Variants in IRF2BP1 observed in about 807,000 individuals in gnomAD.
The protein encoded by IRF2BP1 is interferon regulatory factor 2 binding protein 1, also known as interferon regulatory factor 2-binding protein 1.
A neutral mutation model predicts 38.6 loss-of-function variants in IRF2BP1; 9 were observed. That is an observed-to-expected ratio of 0.23 (90% CI 0.14 to 0.41). IRF2BP1 has a LOEUF of 0.41. Among genes scored for constraint, IRF2BP1 ranks in the 10% least tolerant of loss-of-function variants. The probability of loss-of-function intolerance (pLI) is 1.00; values close to 1 mark genes in which losing one functional copy is unlikely to be tolerated. For missense variants in IRF2BP1, 631 were observed against 829.6 expected (o/e 0.76, Z 2.94); for synonymous variants, 416 against 383.4 (o/e 1.08, Z -0.99).
Position 45,884,812 on chromosome 19 carries a change from C to G in IRF2BP1, c.963G>C (p.Arg321=), listed in dbSNP as rs1313940334. 3 of 1,612,736 alleles carry G rather than the reference C, an allele frequency of 1.9e-6. No individual in the cohort carries two copies. Among genetic ancestry groups the G allele is most frequent in the Non-Finnish European group, 2.5e-6 (3 of 1,180,038 alleles). The change falls in exon 1 of 1, where the codon CGG becomes CGC. Residue 321 remains arginine, a synonymous_variant. Transcript: ENST00000302165. ...SGFKYLEYER[R]HGSGEWRQLG... is the part of the protein sequence containing the mutation. ...GCTGCCGCCATTCTCCTGATCCATG[C>G]CGGCGTTCATATTCGAGGTACTTGA... is the stretch of plus-strand genomic sequence containing the variant.
chr19:45,883,618 A>AC lies in IRF2BP1; in HGVS notation c.*401dup, dbSNP rs370103342. ...TAAGGGACCAAGAAGGAAAAAAAAAACCCATCTTTCGGTTTATTGAAGGAG... is the reference window on the plus strand; with the variant it reads ...TAAGGGACCAAGAAGGAAAAAAAAAACCCCATCTTTCGGTTTATTGAAGGAG... On this transcript the variant is annotated 3_prime_UTR_variant, in exon 1 of 1. Coordinates refer to ENST00000302165, the MANE Select transcript of IRF2BP1 (RefSeq NM_015649.3). The AC allele has an allele frequency of 2.0e-4, 28 of 138,460 alleles. No homozygotes were observed. The highest frequency in any genetic ancestry group is 2.8e-4 in the African/African-American group (9 of 32,022). 8.6% of individuals were successfully genotyped at this position (138,460 alleles called of 1,614,324 possible).
Position 45,885,452 on chromosome 19 carries a change from C to T in IRF2BP1, c.323G>A (p.Gly108Asp). 1.3e-6 allele frequency: 2 copies of T among 1,499,486 alleles called. No individual in the cohort carries two copies. The highest frequency in any genetic ancestry group is 1.8e-6 in the Non-Finnish European group (2 of 1,129,348). The allele number at this position is 1,499,486 out of a possible 1,614,324, so 92.9% of individuals were successfully genotyped here. Residue 108 changes from glycine (G) to aspartate (D), a missense_variant, in exon 1 of 1, where the codon GGC becomes GAC. Physicochemically the swap from Gly to Asp is moderately conservative, Grantham distance 94. This residue lies in a region of IRF2BP1 where 206 missense variants were observed against 207.0 expected (regional missense o/e 1.00). Transcript: ENST00000302165. ...QPSGTGGGVS[G>D]QDRYDRATSS... is the part of the protein sequence containing the mutation. ...TGTGGCCCTGTCATAGCGGTCCTGGCCCGACACGCCGCCGCCGGTCCCTGA... is the reference window on the plus strand; with the variant it reads ...TGTGGCCCTGTCATAGCGGTCCTGGTCCGACACGCCGCCGCCGGTCCCTGA...
chr19:45,884,669 G>C lies in IRF2BP1; in HGVS notation c.1106C>G (p.Ala369Gly). Residue 369 changes from alanine (A) to glycine (G), a missense_variant, in exon 1 of 1, where the codon GCC (alanine) becomes GGC (glycine). Physicochemically the swap from Ala to Gly is moderately conservative, Grantham distance 60 (BLOSUM62 0). This residue lies in a region of IRF2BP1 where 201 missense variants were observed against 215.3 expected (regional missense o/e 0.93). Transcript: ENST00000302165. ...CGTGGGCGCCAGGTTCCGGGATGGGGCTCGCGGGGGTGGGCCACAGAGAGC... is the reference window on the plus strand; with the variant it reads ...CGTGGGCGCCAGGTTCCGGGATGGGCCTCGCGGGGGTGGGCCACAGAGAGC... ...PAALCGPPPRAPSRNLAPTPR... is the reference protein window; with the variant it reads ...PAALCGPPPRGPSRNLAPTPR... The C allele has an allele frequency of 1.2e-6, 2 of 1,602,588 alleles. No individual in the cohort carries two copies. The highest frequency in any genetic ancestry group is 1.7e-6 in the Non-Finnish European group (2 of 1,177,478).
chr19:45,884,608 G>A lies in IRF2BP1; in HGVS notation c.1167C>T (p.Gly389=), dbSNP rs940883175. The change falls in exon 1 of 1, where the codon GGC becomes GGT. Residue 389 remains glycine, a synonymous_variant. Transcript: ENST00000302165. ...CGGTGGTCATCTTCCCAGCCGCCTCGCCCTCCGGCTCGGGGGATGCCTTGC... is the reference window on the plus strand; with the variant it reads ...CGGTGGTCATCTTCCCAGCCGCCTCACCCTCCGGCTCGGGGGATGCCTTGC... The part of the protein sequence containing the change: ...RRRKASPEPE[G]EAAGKMTTEE... The A allele has an allele frequency of 6.3e-7, 1 of 1,599,388 alleles. No homozygotes were observed. The highest frequency in any genetic ancestry group is 1.3e-5 in the African/African-American group (1 of 74,992).
At position 45,885,565 on chromosome 19, in the gene IRF2BP1, C is replaced by G. The variant is rs767040532; in HGVS notation, c.210G>C (p.Pro70=). 36 of 1,470,928 alleles carry G rather than the reference C, an allele frequency of 2.4e-5. No individual in the cohort carries two copies. Among genetic ancestry groups the G allele is most frequent in the African/African-American group, 7.3e-5 (5 of 68,222 alleles). The allele number at this position is 1,470,928 out of a possible 1,614,324, so 91.1% of individuals were successfully genotyped here. A position where few individuals can be genotyped will look rare whatever the true frequency, so the allele number is the denominator to read the frequency against. ...VLPEGRSPGP[P]ALKHPATKDL... is the part of the protein sequence containing the mutation. The stretch of plus-strand genomic sequence containing the variant: ...CCTTGGTGGCCGGGTGCTTAAGGGC[C>G]GGGGGCCCGGGCGAGCGGCCCTCGG... Residue 70 remains proline (P), a synonymous_variant, in exon 1 of 1, where the codon CCG becomes CCC. Coordinates refer to ENST00000302165, the MANE Select transcript of IRF2BP1 (RefSeq NM_015649.3).
In IRF2BP1 at chr19:45,883,797, A is replaced by T. The variant is rs763809406; in HGVS notation, c.*223T>A. On this transcript the variant is annotated 3_prime_UTR_variant, in exon 1 of 1. Coordinates refer to ENST00000302165, the MANE Select transcript of IRF2BP1 (RefSeq NM_015649.3). ...AGCCAAGCCAAGGAGGACAGAGGGA[A>T]ACTGGAGGGGCCAAGGGACCCCAAA... 2.3e-6 allele frequency: 1 copy of T among 434,538 alleles called. No individual in the cohort carries two copies. The highest frequency in any genetic ancestry group is 4.1e-6 in the Non-Finnish European group (1 of 244,934). 26.9% of individuals were successfully genotyped at this position (434,538 alleles called of 1,614,324 possible).
In IRF2BP1 at chr19:45,885,551, G is replaced by A; in HGVS notation, c.224C>T (p.Pro75Leu). ...TGCCGCCGCCAGGTCCTTGGTGGCC[G>A]GGTGCTTAAGGGCCGGGGGCCCGGG... ...RSPGPPALKHPATKDLAAAAA... is the reference protein window; with the variant it reads ...RSPGPPALKHLATKDLAAAAA... Residue 75 changes from proline (P) to leucine (L), a missense_variant, in exon 1 of 1, where the codon CCG becomes CTG. Physicochemically the swap from Pro to Leu is moderately conservative, Grantham distance 98 (BLOSUM62 -3). Coordinates refer to ENST00000302165, the MANE Select transcript of IRF2BP1 (RefSeq NM_015649.3). 5 of 1,441,428 alleles carry A rather than the reference G, an allele frequency of 3.5e-6. No homozygotes were observed. The highest frequency in any genetic ancestry group is 3.6e-6 in the Non-Finnish European group (4 of 1,103,234). 89.3% of individuals were successfully genotyped at this position (1,441,428 alleles called of 1,614,324 possible). A position where few individuals can be genotyped will look rare whatever the true frequency, so the allele number is the denominator to read the frequency against.
chr19:45,885,190 A>G lies in IRF2BP1; in HGVS notation c.585T>C (p.Asp195=), dbSNP rs1186692603. 1.2e-6 allele frequency: 2 copies of G among 1,608,654 alleles called. No homozygotes were observed. The change falls in exon 1 of 1, where the codon GAT becomes GAC. Residue 195 remains aspartate (D), a synonymous_variant. Coordinates refer to ENST00000302165, the MANE Select transcript of IRF2BP1 (RefSeq NM_015649.3). Reference sequence around the variant, plus strand: ...TCCTCTGCTGCTTCTCTTTCTCGAAATCGGAGCCGAAGAGGGGACGGGCAG... The same window carrying G: ...TCCTCTGCTGCTTCTCTTTCTCGAAGTCGGAGCCGAAGAGGGGACGGGCAG... ...LSPARPLFGS[D]FEKEKQQRNA... is the part of the protein sequence containing the mutation.
rs1416765914 is a variant in IRF2BP1, at chr19:45,885,307, G to A, written c.468C>T (p.Gly156=). 2 of 1,604,674 alleles carry A rather than the reference G, an allele frequency of 1.2e-6. No homozygotes were observed. Among genetic ancestry groups the A allele is most frequent in the East Asian group, 2.2e-5 (1 of 44,886 alleles). The part of the protein sequence containing the change: ...VAEGARRALL[G]SMPGLMPPGL... ...CAGGGGGCATCAAGCCAGGCATGGA[G>A]CCAAGCAAGGCCCTTCGCGCCCCCT... is the stretch of plus-strand genomic sequence containing the variant. Residue 156 remains glycine (G), a synonymous_variant, in exon 1 of 1, where the codon GGC becomes GGT. Transcript: ENST00000302165.
chr19:45,885,367 C>T lies in IRF2BP1; in HGVS notation c.408G>A (p.Leu136=), dbSNP rs1475153719. The change falls in exon 1 of 1, where the codon CTG becomes CTA. Residue 136 remains leucine (L), a synonymous_variant. Coordinates refer to ENST00000302165, the MANE Select transcript of IRF2BP1 (RefSeq NM_015649.3). ...CCTCCTCACGGCCCAGCCCATTGGCCAGGCGGGACCCCAGAGTGTACTCCA... is the reference window on the plus strand; with the variant it reads ...CCTCCTCACGGCCCAGCCCATTGGCTAGGCGGGACCCCAGAGTGTACTCCA... ...PALEYTLGSR[L]ANGLGREEAV... is the part of the protein sequence containing the mutation. 1.9e-6 allele frequency: 3 copies of T among 1,608,836 alleles called. No homozygotes were observed. Among genetic ancestry groups the T allele is most frequent in the Admixed American group, 3.3e-5 (2 of 59,902 alleles).
rs561058414 is a variant in IRF2BP1, at chr19:45,884,440, C to A, written c.1335G>T (p.Gly445=). The A allele has an allele frequency of 1.3e-6, 2 of 1,595,794 alleles. No individual in the cohort carries two copies. Among genetic ancestry groups the A allele is most frequent in the Non-Finnish European group, 1.7e-6 (2 of 1,176,736 alleles). ...GGCTGGCGCCCCCTGCACGCACAGG[C>A]CCCCCGCCTCCGCCAGGGTCCTTGG... ...HSPKDPGGGG[G]PVRAGGASPA... Residue 445 remains glycine, a synonymous_variant, in exon 1 of 1, where the codon GGG becomes GGT. Coordinates refer to ENST00000302165, the MANE Select transcript of IRF2BP1 (RefSeq NM_015649.3).
rs1013682812 is a variant in IRF2BP1 at position 45,883,681 on chromosome 19, G to A, written c.*339C>T. On this transcript the variant is annotated 3_prime_UTR_variant, in exon 1 of 1. Coordinates refer to ENST00000302165, the MANE Select transcript of IRF2BP1 (RefSeq NM_015649.3). ...GGGGGTGGGGGGGTGGGAATTAAAT[G>A]CTTTTGCCTCGTTTATAAAGAGCGA... The A allele has an allele frequency of 1.4e-4, 36 of 258,182 alleles. No individual in the cohort carries two copies. The highest frequency in any genetic ancestry group is 2.4e-4 in the Non-Finnish European group (33 of 136,136). 16.0% of individuals were successfully genotyped at this position (258,182 alleles called of 1,614,324 possible). A position where few individuals can be genotyped will look rare whatever the true frequency, so the allele number is the denominator to read the frequency against.
chr19:45,885,682 G>A lies in IRF2BP1; in HGVS notation c.93C>T (p.Ala31=), dbSNP rs1967046774. 1.9e-6 allele frequency: 3 copies of A among 1,584,806 alleles called. No individual in the cohort carries two copies. The highest frequency in any genetic ancestry group is 2.6e-6 in the Non-Finnish European group (3 of 1,174,214). The change falls in exon 1 of 1, where the codon GCC becomes GCT. Residue 31 remains alanine (A), a synonymous_variant. Transcript: ENST00000302165. ...PWAMVWDFSE[A]VCRGCVNFEG... is the part of the protein sequence containing the mutation. Reference sequence around the variant, plus strand: ...CGAAGTTCACGCAGCCGCGACACACGGCCTCGCTGAAGTCCCACACCATGG... The same window carrying A: ...CGAAGTTCACGCAGCCGCGACACACAGCCTCGCTGAAGTCCCACACCATGG...
In IRF2BP1 at chr19:45,885,907, G is replaced by A; in HGVS notation, c.-133C>T. On this transcript the variant is annotated 5_prime_UTR_variant, in exon 1 of 1. Coordinates refer to ENST00000302165, the MANE Select transcript of IRF2BP1 (RefSeq NM_015649.3). ...CGGCCTCCGGCTCGGCCTCCCCGCC[G>A]GATCCAGGCCCGGCCCCCCTTCCCC... 8 of 1,075,002 alleles carry A rather than the reference G, an allele frequency of 7.4e-6. No individual in the cohort carries two copies. Among genetic ancestry groups the A allele is most frequent in the Non-Finnish European group, 9.9e-6 (8 of 805,158 alleles). 66.6% of individuals were successfully genotyped at this position (1,075,002 alleles called of 1,614,324 possible). A position where few individuals can be genotyped will look rare whatever the true frequency, so the allele number is the denominator to read the frequency against.
chr19:45,885,194 G>C lies in IRF2BP1; in HGVS notation c.581C>G (p.Ser194Cys). Residue 194 changes from serine (S) to cysteine (C), a missense_variant, in exon 1 of 1, where the codon TCC (serine) becomes TGC (cysteine). By Grantham distance (112) the Ser-to-Cys change is moderately radical. Coordinates refer to ENST00000302165, the MANE Select transcript of IRF2BP1 (RefSeq NM_015649.3). ...CTGCTGCTTCTCTTTCTCGAAATCG[G>C]AGCCGAAGAGGGGACGGGCAGGACT... ...GLSPARPLFG[S>C]DFEKEKQQRN... The C allele has an allele frequency of 6.2e-7, 1 of 1,608,342 alleles. No homozygotes were observed. Among genetic ancestry groups the C allele is most frequent in the Non-Finnish European group, 8.5e-7 (1 of 1,179,990 alleles).
Position 45,885,664 on chromosome 19 carries a change from C to G in IRF2BP1, c.111G>C (p.Val37=). 1 of 1,582,846 alleles carries G rather than the reference C, an allele frequency of 6.3e-7. No individual in the cohort carries two copies. Among genetic ancestry groups the G allele is most frequent in the Non-Finnish European group, 8.5e-7 (1 of 1,173,440 alleles). The change falls in exon 1 of 1, where the codon GTG becomes GTC. Residue 37 remains valine, a synonymous_variant. Coordinates refer to ENST00000302165, the MANE Select transcript of IRF2BP1 (RefSeq NM_015649.3). ...CGATGCGGTCCGCGCCCTCGAAGTT[C>G]ACGCAGCCGCGACACACGGCCTCGC... The part of the protein sequence containing the change: ...DFSEAVCRGC[V]NFEGADRIEL...
chr19:45,884,985 G>T lies in IRF2BP1; in HGVS notation c.790C>A (p.Arg264Ser), dbSNP rs1273539598. The T allele has an allele frequency of 1.9e-6, 3 of 1,613,464 alleles. No individual in the cohort carries two copies. The highest frequency in any genetic ancestry group is 2.5e-6 in the Non-Finnish European group (3 of 1,180,046). Residue 264 changes from arginine (R) to serine (S), a missense_variant, in exon 1 of 1, where the codon CGT (arginine) becomes AGT (serine). By Grantham distance (110) the Arg-to-Ser change is moderately radical (BLOSUM62 -1). Transcript: ENST00000302165. ...AGCTCGAACTCGTATCCTGGAGGAC[G>T]GGCAGTAGCATCGAAGGCGAACACT... The part of the protein sequence containing the change: ...GRVFAFDATA[R>S]PPGYEFELKL...
Position 45,885,210 on chromosome 19 carries a change from G to A in IRF2BP1, c.565C>T (p.Arg189Cys), listed in dbSNP as rs778676049. Reference sequence around the variant, plus strand: ...TCGAAATCGGAGCCGAAGAGGGGACGGGCAGGACTCAAGCCGGGTGCCAGC... The same window carrying A: ...TCGAAATCGGAGCCGAAGAGGGGACAGGCAGGACTCAAGCCGGGTGCCAGC... The part of the protein sequence containing the change: ...LTLAPGLSPA[R>C]PLFGSDFEKE... Residue 189 changes from arginine to cysteine, a missense_variant, in exon 1 of 1, where the codon CGT becomes TGT. Coordinates refer to ENST00000302165, the MANE Select transcript of IRF2BP1 (RefSeq NM_015649.3). 11 of 1,606,758 alleles carry A rather than the reference G, an allele frequency of 6.8e-6. No individual in the cohort carries two copies. The highest frequency in any genetic ancestry group is 8.5e-6 in the Non-Finnish European group (10 of 1,179,994).
chr19:45,884,407 G>C lies in IRF2BP1; in HGVS notation c.1368C>G (p.Ala456=). The change falls in exon 1 of 1, where the codon GCC becomes GCG. Residue 456 remains alanine (A), a synonymous_variant. Transcript: ENST00000302165. ...GGGTTGGCGGCTGGGCCGTGGAGGA[G>C]GCTGCAGGGCTGGCGCCCCCTGCAC... ...PVRAGGASPA[A]SSTAQPPTQH... 1 of 1,601,000 alleles carries C rather than the reference G, an allele frequency of 6.2e-7. No individual in the cohort carries two copies. The highest frequency in any genetic ancestry group is 8.5e-7 in the Non-Finnish European group (1 of 1,178,224).
Sources: gnomAD v4.1 joint callset for allele counts on GRCh38, gnomAD v4.1.1 for gene constraint, gnomAD v4.1.1 regional missense constraint, MANE v1.5 for transcripts, NCBI Gene and HGNC (gene_info 2026-07-23, HGNC 2026-07-21) for gene names.